The following ZMYM4 variants were observed in gnomAD, a reference collection of about 807,000 sequenced individuals.
ZMYM4 encodes the protein zinc finger MYM-type containing 4, also known as zinc finger MYM-type protein 4.
A neutral mutation model predicts 183.2 loss-of-function variants in ZMYM4; 31 were observed. That is an observed-to-expected ratio of 0.17 (90% confidence interval 0.13 to 0.23). The LOEUF is 0.23. Ranked by LOEUF, ZMYM4 falls within the 10% of genes least tolerant of loss-of-function variation. The pLI, the probability that ZMYM4 is intolerant of heterozygous loss-of-function variation, is 1.00. For synonymous variants in ZMYM4, 592 were observed against 631.2 expected (o/e 0.94, Z 0.93); for missense variants, 1,273 against 1,840.3 (o/e 0.69, Z 5.64).
At chr1:35,305,872 A>G (rs1024011638) in intron 1 of ZMYM4, among the ~76,000 whole-genome samples, 5 of 152,054 alleles carry the variant, frequency 3.3e-5, no homozygotes, top group Admixed American at 1.3e-4. Flanking sequence ...TAGGCCTCCT[A>G]TATCTGAGAT....
chr1:35,350,224 A>G (rs1192215034), intron 2 of ZMYM4, among the ~76,000 whole-genome samples: 18 of 120,076 alleles, frequency 1.5e-4, no homozygotes, highest in East Asian at 1.0e-3. Context: ...CTCCATCTTG[A>G]AAAAAAAAAA....
intron 1 of ZMYM4, among the ~76,000 whole-genome samples, chr1:35,284,533 T>G (rs1640373975): frequency 6.6e-6 from 1 of 152,242 alleles, no homozygotes; most frequent in South Asian, 2.1e-4. Flanking sequence ...CACCTTTTGT[T>G]GAAGAGCCTG....
chr1:35,302,617 C>T (rs1363338511), intron 1 of ZMYM4, among the ~76,000 whole-genome samples: 1 of 151,952 alleles, frequency 6.6e-6, no homozygotes, highest in East Asian at 1.9e-4. Flanking sequence ...GATCTCCTGA[C>T]CTCATGATCC....
At position 35,295,404 on chromosome 1, in the gene ZMYM4, G is replaced by C. The variant is rs142567511; in HGVS notation, c.39+26319G>C. Among the ~76,000 whole-genome samples, 82 of 152,292 alleles carry C rather than the reference G, an allele frequency of 5.4e-4. 2 individuals carry two copies. In the East Asian group the frequency reaches 0.015, roughly 29 times the overall value. ...AAGAGGCAGCATAGAGGCAGTAGCT[G>C]AACATGAGTGAGCAAGGTGGTGAAT... On this transcript the variant is annotated intron_variant, in intron 1 of 29. Transcript: ENST00000314607.
intron 23 of ZMYM4, 111 bp from the exon 24 acceptor site, chr1:35,404,912 A>G (rs897126837): frequency 1.8e-6 from 2 of 1,111,354 alleles, no homozygotes; most frequent in Admixed American, 2.6e-5. Flanking sequence ...TTAGGATATA[A>G]AACTAAATTC....
chr1:35,384,648 A>G (rs766916888), intron 9 of ZMYM4, among the ~76,000 whole-genome samples: 1 of 152,028 alleles, frequency 6.6e-6, no homozygotes, highest in Admixed American at 6.6e-5. Context: ...AAGTTGCCTA[A>G]TAAGGTTACT....
At chr1:35,275,533 G>A (rs979944298) in intron 1 of ZMYM4, among the ~76,000 whole-genome samples, 6 of 152,024 alleles carry the variant, frequency 3.9e-5, no homozygotes, top group Non-Finnish European at 8.8e-5. Context: ...TGCCAGAAAG[G>A]TTTTCTTACT....
intron 1 of ZMYM4, among the ~76,000 whole-genome samples, chr1:35,273,722 A>G (rs1390709057): frequency 2.6e-5 from 4 of 152,316 alleles, no homozygotes; most frequent in South Asian, 4.1e-4. Flanking sequence ...TTGTGTCTGT[A>G]TATGCTTGTA....
intron 1 of ZMYM4, among the ~76,000 whole-genome samples, chr1:35,290,320 C>T (rs1479923563): frequency 6.6e-6 from 1 of 152,210 alleles, no homozygotes; most frequent in Non-Finnish European, 1.5e-5. Flanking sequence ...TCAGCCATAA[C>T]TACTAATTGT....
intron 21 of ZMYM4, among the ~76,000 whole-genome samples, 166 bp downstream of exon 21, chr1:35,398,632 T>G (rs536635978): frequency 1.2e-4 from 18 of 152,348 alleles, no homozygotes; most frequent in African/African-American, 4.3e-4. Flanking sequence ...TAAAAGCCAC[T>G]CAAATGTTTG....
chr1:35,320,122 G>C (rs752153030), intron 1 of ZMYM4, among the ~76,000 whole-genome samples: 1 of 152,160 alleles, frequency 6.6e-6, no homozygotes, highest in Non-Finnish European at 1.5e-5. Flanking sequence ...AAAACTGTTG[G>C]AATCTCTGAA....
At chr1:35,381,507 C>T in intron 8 of ZMYM4, 39 bp from the exon 9 acceptor site, 1 of 1,613,104 alleles carries the variant, frequency 6.2e-7, no homozygotes, top group East Asian at 2.2e-5. Flanking sequence ...TTGATGCTCT[C>T]TGCTCCTTGT....
At chr1:35,273,411 C>T (rs1639714683) in intron 1 of ZMYM4, among the ~76,000 whole-genome samples, 1 of 152,106 alleles carries the variant, frequency 6.6e-6, no homozygotes, top group African/African-American at 2.4e-5. Context: ...ATTATTTATG[C>T]ATGGCTATTA....
intron 1 of ZMYM4, among the ~76,000 whole-genome samples, chr1:35,322,344 T>C (rs1642317152): frequency 6.6e-6 from 1 of 152,208 alleles, no homozygotes. Flanking sequence ...TTTAGAAATA[T>C]AGTCAAACTT....
intron 2 of ZMYM4, among the ~76,000 whole-genome samples, chr1:35,353,837 A>G (rs1483684744): frequency 6.6e-6 from 1 of 152,222 alleles, no homozygotes; most frequent in East Asian, 1.9e-4. Context: ...AATTCACATC[A>G]GTTGCTTTGT....
intron 26 of ZMYM4, 72 bp from the exon 27 acceptor site, chr1:35,413,900 C>G: frequency 1.1e-6 from 1 of 914,652 alleles, no homozygotes; most frequent in South Asian, 1.7e-5. Flanking sequence ...AACTGTATTT[C>G]TTACAATAAT....
chr1:35,340,352 G>A (rs1281502324), intron 2 of ZMYM4, among the ~76,000 whole-genome samples: 2 of 152,030 alleles, frequency 1.3e-5, no homozygotes, highest in Non-Finnish European at 2.9e-5. Flanking sequence ...ATGGACCCAG[G>A]CGTCAGAGGG....
chr1:35,357,543 G>A (rs773107652), intron 2 of ZMYM4, among the ~76,000 whole-genome samples: 1 of 152,170 alleles, frequency 6.6e-6, no homozygotes, highest in Non-Finnish European at 1.5e-5. Context: ...AGGAGGAGAC[G>A]TGGAGTATTA....
chr1:35,367,418 A>G (rs1330151976), intron 5 of ZMYM4, among the ~76,000 whole-genome samples: 1 of 151,840 alleles, frequency 6.6e-6, no homozygotes, highest in African/African-American at 2.4e-5. Flanking sequence ...TAGTAGAGAC[A>G]GGGTTTCACC....
Sources: allele counts gnomAD v4.1 joint callset (sites outside exome capture counted in the v4.1 genomes callset), GRCh38; gene constraint gnomAD v4.1.1; transcripts MANE v1.5; gene names NCBI Gene and HGNC (gene_info 2026-07-23, HGNC 2026-07-21).